The following LRP1B variants were observed in gnomAD, a reference collection of about 807,000 sequenced individuals.
LRP1B encodes low-density lipoprotein receptor-related protein 1B.
A neutral mutation model predicts 556.6 loss-of-function variants in LRP1B; 217 were observed. That is an observed-to-expected ratio of 0.39 (90% CI 0.35 to 0.44). The LOEUF (loss-of-function observed/expected upper bound fraction) is 0.44. LRP1B is among the 20% of genes least tolerant of loss of function. LRP1B has a pLI of 1.00. For missense variants in LRP1B, 5,053 were observed against 5,620.8 expected (o/e 0.90, Z 3.23); for synonymous variants, 2,047 against 1,865.8 (o/e 1.10, Z -2.50).
chr2:142,089,393 A>G (rs1475679152), intron 1 of LRP1B, among the ~76,000 whole-genome samples: 1 of 152,234 alleles, frequency 6.6e-6, no homozygotes, highest in African/African-American at 2.4e-5. Flanking sequence ...TTGCAACTGA[A>G]GAGAAGCAAA....
chr2:141,816,255 T>C (rs1392853441), intron 1 of LRP1B, among the ~76,000 whole-genome samples: 2 of 151,946 alleles, frequency 1.3e-5, no homozygotes, highest in Non-Finnish European at 2.9e-5. Context: ...TGTGAGGGGG[T>C]TGCCAAAGGA....
chr2:141,461,320 C>A (rs1681861021), intron 3 of LRP1B, among the ~76,000 whole-genome samples: 1 of 152,052 alleles, frequency 6.6e-6, no homozygotes, highest in Non-Finnish European at 1.5e-5. Flanking sequence ...TTAAAATTGA[C>A]CAATGGTTAT....
chr2:141,268,780 A>G (rs1684983199), intron 3 of LRP1B, among the ~76,000 whole-genome samples: 1 of 152,166 alleles, frequency 6.6e-6, no homozygotes, highest in Non-Finnish European at 1.5e-5. Flanking sequence ...AGATAATTCT[A>G]ACCAAAAAAC....
intron 2 of LRP1B, among the ~76,000 whole-genome samples, chr2:141,726,711 A>T (rs1260848661): frequency 2.0e-5 from 3 of 152,110 alleles, no homozygotes. Context: ...CAACCAGTCA[A>T]ATTCAATAGA....
At chr2:140,566,480 C>G (rs1681130210) in intron 43 of LRP1B, among the ~76,000 whole-genome samples, 1 of 152,108 alleles carries the variant, frequency 6.6e-6, no homozygotes, top group South Asian at 2.1e-4. Flanking sequence ...TCCCTAGGGG[C>G]CTCAGCTGGA....
chr2:141,056,065 T>C (rs1047300884), intron 9 of LRP1B, among the ~76,000 whole-genome samples: 3 of 151,936 alleles, frequency 2.0e-5, no homozygotes, highest in African/African-American at 4.8e-5. Flanking sequence ...TTTGAAATGG[T>C]GATGAATATC....
At chr2:141,464,614 AG>A (rs1682104627) in intron 3 of LRP1B, among the ~76,000 whole-genome samples, 2 of 32,372 alleles carry the variant, frequency 6.2e-5, no homozygotes, top group African/African-American at 1.2e-4. Context: ...ATATTTTTTT[AG>A]TAGAGATGGG....
intron 1 of LRP1B, among the ~76,000 whole-genome samples, chr2:142,116,961 C>A (rs919676153): frequency 2.6e-5 from 4 of 152,088 alleles, no homozygotes; most frequent in Non-Finnish European, 5.9e-5. Context: ...AGAATCATAT[C>A]TCTGCTGTCT....
intron 3 of LRP1B, among the ~76,000 whole-genome samples, chr2:141,335,940 T>C (rs1687831115): frequency 6.6e-6 from 1 of 152,114 alleles, no homozygotes; most frequent in Non-Finnish European, 1.5e-5. Context: ...TTCGTTAAAA[T>C]AATATGAAGC....
At chr2:141,924,934 A>T (rs1165568636) in intron 1 of LRP1B, among the ~76,000 whole-genome samples, 1 of 152,166 alleles carries the variant, frequency 6.6e-6, no homozygotes, top group African/African-American at 2.4e-5. Context: ...AGAGAATGGA[A>T]GGTGTAGTTA....
At chr2:141,689,407 C>A (rs1691431822) in intron 2 of LRP1B, among the ~76,000 whole-genome samples, 1 of 151,726 alleles carries the variant, frequency 6.6e-6, no homozygotes, top group African/African-American at 2.4e-5. Flanking sequence ...CTCCATTCTG[C>A]ATATGTAGAT....
chr2:141,034,625 A>G (rs1423340683), intron 11 of LRP1B, among the ~76,000 whole-genome samples: 2 of 152,062 alleles, frequency 1.3e-5, no homozygotes, highest in Non-Finnish European at 2.9e-5. Context: ...ATCACTGGCC[A>G]TCAGAGAAAT....
chr2:141,355,935 C>T (rs60954277), intron 3 of LRP1B, among the ~76,000 whole-genome samples: 6,761 of 152,070 alleles, frequency 0.044, 235 homozygotes, highest in African/African-American at 0.082. Flanking sequence ...ATTTTGAACA[C>T]TTTTTCTCTG....
chr2:141,125,754 G>A (rs77655163), intron 7 of LRP1B, among the ~76,000 whole-genome samples: 9,295 of 147,938 alleles, frequency 0.063, 358 homozygotes, highest in Middle Eastern at 0.13. Context: ...AGGCATTTAG[G>A]AGAAGTTTAA....
chr2:142,066,866 A>G (rs1324961404), intron 1 of LRP1B, among the ~76,000 whole-genome samples: 1 of 151,562 alleles, frequency 6.6e-6, no homozygotes, highest in Admixed American at 6.6e-5. Flanking sequence ...ACCACAAATC[A>G]GTGGTTTAAA....
At chr2:141,336,793 C>A (rs13398990) in intron 3 of LRP1B, among the ~76,000 whole-genome samples, 91,713 of 151,986 alleles carry the variant, frequency 0.6, 28,554 homozygotes, top group African/African-American at 0.69. Flanking sequence ...GTCATATAAA[C>A]AGAAAGTATG....
intron 7 of LRP1B, among the ~76,000 whole-genome samples, chr2:141,102,539 G>A (rs1281934963): frequency 6.6e-6 from 1 of 152,016 alleles, no homozygotes; most frequent in African/African-American, 2.4e-5. Flanking sequence ...AATCTTATCA[G>A]ATTCTCCCTG....
intron 7 of LRP1B, among the ~76,000 whole-genome samples, chr2:141,150,874 T>C (rs1701906437): frequency 8.2e-6 from 1 of 121,938 alleles, no homozygotes; most frequent in Middle Eastern, 4.5e-3. Flanking sequence ...CTGGTTTGTG[T>C]GTGTGTGTGT....
At chr2:141,760,378 A>G (rs1038449054) in intron 2 of LRP1B, among the ~76,000 whole-genome samples, 1 of 152,194 alleles carries the variant, frequency 6.6e-6, no homozygotes, top group African/African-American at 2.4e-5. Context: ...AAATGTCATA[A>G]TAGATGTATT....
Sources: allele counts gnomAD v4.1 joint callset (sites outside exome capture counted in the v4.1 genomes callset), GRCh38; gene constraint gnomAD v4.1.1; transcripts MANE v1.5; gene names NCBI Gene and HGNC (gene_info 2026-07-23, HGNC 2026-07-21).